Variants in TRPA1 observed in about 807,000 individuals in gnomAD.
TRPA1 encodes the protein transient receptor potential cation channel subfamily A member 1.
A neutral mutation model predicts 131.3 loss-of-function variants in TRPA1; 129 were observed. That is an observed-to-expected ratio of 0.98 (90% CI 0.85 to 1.14). The LOEUF (loss-of-function observed/expected upper bound fraction) is 1.14. Among genes scored for constraint, TRPA1 ranks in the 50% most tolerant of loss-of-function variants. TRPA1 has a pLI of 0.00. For synonymous variants in TRPA1, 441 were observed against 451.7 expected, an observed-to-expected ratio of 0.98 and a Z score of 0.30; for missense variants, 1,304 against 1,354.2, an observed-to-expected ratio of 0.96 and a Z score of 0.58.
intron 25 of TRPA1, 36 bp downstream of exon 25, chr8:72,025,924 A>ATGTTACTGTT: frequency 6.5e-7 from 1 of 1,543,986 alleles, no homozygotes; most frequent in Non-Finnish European, 8.9e-7. Flanking sequence ...AAACAGTGTC[A>ATGTTACTGTT]TGTTACTGAT....
intron 23 of TRPA1, among the ~76,000 whole-genome samples, chr8:72,033,000 GC>G (rs550006250): frequency 4.6e-5 from 7 of 152,182 alleles, no homozygotes; most frequent in Admixed American, 2.6e-4. Flanking sequence ...CAGCCAACGT[GC>G]TCATGCCTTG....
intron 1 of TRPA1, among the ~76,000 whole-genome samples, chr8:72,074,690 C>A (rs1307801293): frequency 6.6e-6 from 1 of 152,128 alleles, no homozygotes; most frequent in Non-Finnish European, 1.5e-5. Flanking sequence ...TAGAAGTGCC[C>A]ATCCTAGAGC....
At chr8:72,053,153 C>T (rs945242563) in intron 13 of TRPA1, 2 of 253,628 alleles carry the variant, frequency 7.9e-6, no homozygotes, top group South Asian at 1.0e-4. Flanking sequence ...AGAAGAAAAT[C>T]CTCCTGAGAT....
At chr8:72,082,869 T>C in the TRPA1 span, among the ~76,000 whole-genome samples, 1 of 151,976 alleles carries the variant, frequency 6.6e-6, no homozygotes, top group Non-Finnish European at 1.5e-5. Flanking sequence ...CAGTTTTCAG[T>C]CATAATTTCT....
At chr8:72,068,123 G>A (rs1394665071) in intron 3 of TRPA1, among the ~76,000 whole-genome samples, 2 of 152,198 alleles carry the variant, frequency 1.3e-5, no homozygotes, top group African/African-American at 4.8e-5. Context: ...TTTTATGCCA[G>A]ACTTAAAGGA....
At chr8:72,038,841 T>A (rs759505532) in intron 19 of TRPA1, 24 bp downstream of exon 19, 1 of 1,596,470 alleles carries the variant, frequency 6.3e-7, no homozygotes, top group South Asian at 1.1e-5. Context: ...TCCTTTATTT[T>A]AGAAAGTTAA....
At chr8:72,028,522 T>A (rs1253971249) in intron 24 of TRPA1, among the ~76,000 whole-genome samples, 1 of 152,128 alleles carries the variant, frequency 6.6e-6, no homozygotes, top group East Asian at 1.9e-4. Context: ...CATGTTGCAT[T>A]CTCTTAATTA....
At chr8:72,072,671 G>A (rs749482304) in intron 1 of TRPA1, among the ~76,000 whole-genome samples, 1 of 152,138 alleles carries the variant, frequency 6.6e-6, no homozygotes, top group Admixed American at 6.5e-5. Flanking sequence ...TCCTATCAAA[G>A]AAAGTGTTGG....
At position 72,059,448 on chromosome 8, in the gene TRPA1, C is replaced by T; in HGVS notation, c.945-10G>A. ...ATCAAACAATGAAGCTCTGAAAAAA[C>T]AGAATTATAAACATTATAATTAAAG... is the stretch of plus-strand genomic sequence containing the variant. On this transcript the variant is annotated splice_polypyrimidine_tract_variant and intron_variant, in intron 7 of 26. Coordinates refer to ENST00000262209, the MANE Select transcript of TRPA1 (RefSeq NM_007332.3). 6.5e-7 allele frequency: 1 copy of T among 1,548,484 alleles called. No individual in the cohort carries two copies. The highest frequency in any genetic ancestry group is 8.9e-7 in the Non-Finnish European group (1 of 1,128,200).
At chr8:72,075,157 G>T in intron 1 of TRPA1, 142 bp downstream of exon 1, 2 of 690,426 alleles carry the variant, frequency 2.9e-6, no homozygotes, top group Non-Finnish European at 5.2e-6. Flanking sequence ...TCATTAGTAG[G>T]GTCACCTCTT....
At position 72,075,380 on chromosome 8, in the gene TRPA1, G is replaced by A. The variant is rs1563408614; in HGVS notation, c.30C>T (p.Arg10=). The A allele has an allele frequency of 5.6e-6, 9 of 1,610,928 alleles. No individual in the cohort carries two copies. The highest frequency in any genetic ancestry group is 6.8e-6 in the Non-Finnish European group (8 of 1,179,796). MKRSLRKMW[R]PGEKKEPQGV... ...CCTGGGGCTCCTTCTTTTCTCCAGG[G>A]CGCCACATCTTCCTCAGGCTGCGCT... The change falls in exon 1 of 27, where the codon CGC becomes CGT. Residue 10 remains arginine, a synonymous_variant. Transcript: ENST00000262209.
At chr8:72,068,813 T>A (rs2129436552) in intron 3 of TRPA1, among the ~76,000 whole-genome samples, 1 of 152,266 alleles carries the variant, frequency 6.6e-6, no homozygotes, top group South Asian at 2.1e-4. Flanking sequence ...CTCATGAAAA[T>A]GCCCGGTAAA....
upstream of TRPA1, chr8:72,075,698 T>C: frequency 2.1e-6 from 1 of 467,032 alleles, no homozygotes; most frequent in Non-Finnish European, 4.0e-6. Flanking sequence ...GCGTCTGCCT[T>C]GGACTCGCCC....
At position 72,057,587 on chromosome 8, in the gene TRPA1, A is replaced by G. The variant is rs968539174; in HGVS notation, c.1093+130T>C. On this transcript the variant is annotated intron_variant, in intron 9 of 26. Coordinates refer to ENST00000262209, the MANE Select transcript of TRPA1 (RefSeq NM_007332.3). Reference sequence around the variant, plus strand: ...CTGTTCTGTTTATTTTTAAATTCACAACACCTGGCCCAGGGCCTGGCACAC... The same window carrying G: ...CTGTTCTGTTTATTTTTAAATTCACGACACCTGGCCCAGGGCCTGGCACAC... The G allele has an allele frequency of 1.9e-5, 15 of 769,638 alleles. No individual in the cohort carries two copies. In the Middle Eastern group the frequency reaches 1.4e-3, roughly 72 times the overall value. The allele number at this position is 769,638 out of a possible 1,614,324, so 47.7% of individuals were successfully genotyped here.
intron 10 of TRPA1, chr8:72,056,414 TTGA>T: frequency 6.0e-6 from 1 of 166,366 alleles, no homozygotes; most frequent in Non-Finnish European, 1.3e-5. Flanking sequence ...TTGAAATCTA[TTGA>T]TGATAAAAAT....
At chr8:72,024,520 G>A (rs1180501818) in intron 25 of TRPA1, among the ~76,000 whole-genome samples, 2 of 152,046 alleles carry the variant, frequency 1.3e-5, no homozygotes, top group African/African-American at 4.8e-5. Flanking sequence ...GAAAGGGAGG[G>A]GACAGATCAA....
intron 3 of TRPA1, among the ~76,000 whole-genome samples, chr8:72,067,846 G>T (rs1452830000): frequency 1.3e-5 from 2 of 152,116 alleles, no homozygotes; most frequent in African/African-American, 4.8e-5. Flanking sequence ...CATCTCATAG[G>T]TACTGAGACT....
chr8:72,033,228 A>G (rs1164792013), intron 23 of TRPA1, among the ~76,000 whole-genome samples: 2 of 152,108 alleles, frequency 1.3e-5, no homozygotes, highest in African/African-American at 4.8e-5. Flanking sequence ...CAACTCCAAA[A>G]CATCACACAC....
intron 14 of TRPA1, among the ~76,000 whole-genome samples, chr8:72,052,168 T>C (rs1805524466): frequency 6.6e-6 from 1 of 152,204 alleles, no homozygotes. Flanking sequence ...ATGTCTGTAA[T>C]GCCAATACTT....
Sources: allele counts gnomAD v4.1 joint callset (sites outside exome capture counted in the v4.1 genomes callset), GRCh38; gene constraint gnomAD v4.1.1; transcripts MANE v1.5; gene names NCBI Gene and HGNC (gene_info 2026-07-23, HGNC 2026-07-21).